The following MAGI1 variants were observed in gnomAD, a reference collection of about 807,000 sequenced individuals.
The protein encoded by MAGI1 is membrane-associated guanylate kinase, WW and PDZ domain-containing protein 1.
A neutral mutation model predicts 139.9 loss-of-function variants in MAGI1; 58 were observed. The ratio of observed to expected loss-of-function variants is 0.41; its 90% confidence interval spans 0.34 to 0.52. The LOEUF (loss-of-function observed/expected upper bound fraction) is 0.52, where lower values mean the gene tolerates loss of function less well. MAGI1 is among the 20% of genes least tolerant of loss of function. The pLI, the probability that MAGI1 is intolerant of heterozygous loss-of-function variation, is 0.12. For synonymous variants in MAGI1, 812 were observed against 737.9 expected, an observed-to-expected ratio of 1.10 and a Z score of -1.63; for missense variants, 1,874 against 1,901.6, an observed-to-expected ratio of 0.99 and a Z score of 0.27.
intron 1 of MAGI1, among the ~76,000 whole-genome samples, chr3:65,960,533 G>T (rs1185643533): frequency 6.6e-6 from 1 of 152,148 alleles, no homozygotes; most frequent in Admixed American, 6.5e-5. Context: ...GATGTCACTG[G>T]TCCCTGTGGT....
intron 1 of MAGI1, among the ~76,000 whole-genome samples, chr3:65,866,822 G>T (rs2059746467): frequency 6.6e-6 from 1 of 152,134 alleles, no homozygotes; most frequent in Non-Finnish European, 1.5e-5. Context: ...ATAACTTGTG[G>T]TCCCTTACCA....
chr3:65,581,131 T>C (rs9821646), intron 2 of MAGI1, among the ~76,000 whole-genome samples: 10,271 of 152,142 alleles, frequency 0.068, 423 homozygotes, highest in East Asian at 0.16. Flanking sequence ...GCCTCATAAC[T>C]GGTCTTCTGC....
At chr3:65,778,641 C>T (rs569867013) in intron 1 of MAGI1, among the ~76,000 whole-genome samples, 1 of 152,212 alleles carries the variant, frequency 6.6e-6, no homozygotes, top group South Asian at 2.1e-4. Flanking sequence ...TTGCCAGGAC[C>T]ACTCAGGTCA....
chr3:65,770,046 C>T (rs1001599949), intron 1 of MAGI1, among the ~76,000 whole-genome samples: 2 of 152,160 alleles, frequency 1.3e-5, no homozygotes, highest in South Asian at 2.1e-4. Flanking sequence ...GCCCATGATG[C>T]TATTACTGCT....
At chr3:65,917,737 C>T (rs1195797850) in intron 1 of MAGI1, among the ~76,000 whole-genome samples, 1 of 152,052 alleles carries the variant, frequency 6.6e-6, no homozygotes, top group East Asian at 1.9e-4. Flanking sequence ...CTGGAAAAGG[C>T]AAAACGATGG....
At chr3:65,584,150 T>C (rs527692218) in intron 2 of MAGI1, among the ~76,000 whole-genome samples, 1 of 148,398 alleles carries the variant, frequency 6.7e-6, no homozygotes, top group South Asian at 2.2e-4. Flanking sequence ...CCATGGAAGG[T>C]TGTTATCAAG....
chr3:65,537,038 A>G (rs1394832994), intron 2 of MAGI1, among the ~76,000 whole-genome samples: 2 of 152,182 alleles, frequency 1.3e-5, no homozygotes, highest in African/African-American at 4.8e-5. Context: ...ATGAATTTTA[A>G]GTGAAATAGA....
At position 65,549,694 on chromosome 3, in the gene MAGI1, G is replaced by C. The variant is rs558307112; in HGVS notation, c.431-56063C>G. On this transcript the variant is annotated intron_variant, in intron 2 of 22. Transcript: ENST00000402939. ...GCCCCCATCCTCAGGGCCTTGGACG[G>C]GGGTAGGGGTGGGAGACAAATATGG... Among the ~76,000 whole-genome samples the C allele has an allele frequency of 4.6e-5, 7 of 152,216 alleles. No homozygotes were observed. In the East Asian group the frequency reaches 1.2e-3, roughly 26 times the overall value.
At position 65,952,480 on chromosome 3, in the gene MAGI1, T is replaced by C. The variant is rs535500836; in HGVS notation, c.313+85516A>G. On this transcript the variant is annotated intron_variant, in intron 1 of 22. Coordinates refer to ENST00000402939, the MANE Select transcript of MAGI1 (RefSeq NM_001033057.2). ...GTACCAAAACACAATTCTTTTGATC[T>C]AATGATTAATTTGTGTGTGTTAGAA... Among the ~76,000 whole-genome samples the C allele has an allele frequency of 5.9e-5, 9 of 152,338 alleles. No individual in the cohort carries two copies. The East Asian group carries it at 1.7e-3, about 29-fold the overall frequency.
rs1170571962 is a variant in MAGI1 at position 65,470,323 on chromosome 3, C to G, written c.919G>C (p.Glu307Gln). 6.2e-7 allele frequency: 1 copy of G among 1,613,264 alleles called. No homozygotes were observed. Among genetic ancestry groups the G allele is most frequent in the Admixed American group, 1.7e-5 (1 of 59,950 alleles). The change falls in exon 5 of 23, where the codon GAG (glutamate) becomes CAG (glutamine). Residue 307 changes from glutamate (E) to glutamine (Q), a missense_variant. By Grantham distance (29) the Glu-to-Gln change is conservative. This residue lies in a region of MAGI1 where 648 missense variants were observed against 598.1 expected (regional missense o/e 1.08). Transcript: ENST00000402939. The stretch of plus-strand genomic sequence containing the variant: ...TCTCCATTTTCAGTATAGGCCATCT[C>G]CCAGTTTTCAGGTAGAGGACCTAAA... The part of the protein sequence containing the change: ...DNLGPLPENW[E>Q]MAYTENGEVY...
At chr3:65,670,500 C>T (rs1253550675) in intron 1 of MAGI1, among the ~76,000 whole-genome samples, 1 of 151,776 alleles carries the variant, frequency 6.6e-6, no homozygotes, top group African/African-American at 2.4e-5. Context: ...ATCCTCAACC[C>T]CAAAATAATT....
rs200362587 is a variant in MAGI1, at chr3:65,381,879, G to A, written c.2699C>T (p.Ala900Val). 162 of 1,606,736 alleles carry A rather than the reference G, an allele frequency of 1.0e-4. No individual in the cohort carries two copies. Among genetic ancestry groups the A allele is most frequent in the Admixed American group, 1.7e-4 (10 of 59,082 alleles). ...GAAGGAATGAATGAAATACATACCC[G>A]CAAAAACCACTTTACGCCGCACCGT... ...NLTVRRKVVF[A>V]VPKTENEVPS... The change falls in exon 16 of 23, where the codon GCG becomes GTG. Residue 900 changes from alanine (A) to valine (V), a missense_variant and splice_region_variant. Coordinates refer to ENST00000402939, the MANE Select transcript of MAGI1 (RefSeq NM_001033057.2).
intron 12 of MAGI1, among the ~76,000 whole-genome samples, chr3:65,408,299 C>T (rs1032136549): frequency 6.6e-6 from 1 of 152,166 alleles, no homozygotes; most frequent in African/African-American, 2.4e-5. Flanking sequence ...TTGCTTACTT[C>T]GCCTTCTTTC....
At chr3:65,938,569 C>T (rs1055929741) in intron 1 of MAGI1, among the ~76,000 whole-genome samples, 2 of 151,894 alleles carry the variant, frequency 1.3e-5, no homozygotes, top group African/African-American at 4.8e-5. Flanking sequence ...AGAGACTTGA[C>T]ACTTCTTCCT....
chr3:65,553,824 T>A (rs1484780473), intron 2 of MAGI1, among the ~76,000 whole-genome samples: 1 of 152,232 alleles, frequency 6.6e-6, no homozygotes, highest in African/African-American at 2.4e-5. Flanking sequence ...CCATGATCCA[T>A]ACTCACTTGG....
chr3:65,925,872 T>G (rs2062475925), intron 1 of MAGI1, among the ~76,000 whole-genome samples: 1 of 152,062 alleles, frequency 6.6e-6, no homozygotes, highest in South Asian at 2.1e-4. Context: ...TAGAGACAGT[T>G]TCACCATATT....
chr3:65,361,110 AACAAAAAAG>A, intron 22 of MAGI1, 80 bp downstream of exon 22: 1 of 1,612,196 alleles, frequency 6.2e-7, no homozygotes, highest in Non-Finnish European at 8.5e-7. Flanking sequence ...GAATAGGGGA[AACAAAAAAG>A]ACTTTCCTGC....
At chr3:65,887,213 G>C (rs1242722312) in intron 1 of MAGI1, among the ~76,000 whole-genome samples, 1 of 151,964 alleles carries the variant, frequency 6.6e-6, no homozygotes, top group Non-Finnish European at 1.5e-5. Context: ...GGTTGCCTCT[G>C]GAGGATTAGA....
chr3:66,026,361 T>G (rs1012901770), intron 1 of MAGI1, among the ~76,000 whole-genome samples: 15 of 152,254 alleles, frequency 9.9e-5, no homozygotes, highest in Middle Eastern at 3.4e-3. Context: ...ACAACCATCT[T>G]AAATCATCAC....
Sources: gnomAD v4.1 joint callset for allele counts (sites outside exome capture counted in the v4.1 genomes callset) on GRCh38, gnomAD v4.1.1 for gene constraint, gnomAD v4.1.1 regional missense constraint, MANE v1.5 for transcripts, NCBI Gene and HGNC (gene_info 2026-07-23, HGNC 2026-07-21) for gene names.